Variants in LCORL observed in about 807,000 individuals in gnomAD.
The protein encoded by LCORL is ligand-dependent nuclear receptor corepressor-like protein.
LCORL carries 41 observed loss-of-function variants against 141.8 expected under a neutral mutation model. The ratio of observed to expected loss-of-function variants is 0.29; its 90% confidence interval spans 0.23 to 0.38. The LOEUF is 0.38. LCORL is among the 10% of genes least tolerant of loss of function. The pLI is 1.00. For synonymous variants in LCORL, 618 were observed against 694.1 expected (o/e 0.89, Z 1.72); for missense variants, 1,759 against 2,035.0 (o/e 0.86, Z 2.61).
chr4:17,886,773 A>G (rs573659894), intron 5 of LCORL, among the ~76,000 whole-genome samples: 1 of 152,096 alleles, frequency 6.6e-6, no homozygotes, highest in South Asian at 2.1e-4. Context: ...ACGATAATGC[A>G]ACTTTAGAAA....
intron 7 of LCORL, among the ~76,000 whole-genome samples, chr4:17,867,696 A>C (rs1323971847): frequency 6.6e-6 from 1 of 152,226 alleles, no homozygotes; most frequent in Non-Finnish European, 1.5e-5. Context: ...CATCAAAAGA[A>C]AAAGTATCCA....
In LCORL at chr4:17,977,479, A is replaced by G. The variant is rs535399046; in HGVS notation, c.155-4594T>C. Reference sequence around the variant, plus strand: ...AATAAAAAACAGTGATTTGTAGAAAACATTCTAATGTCTTCATGTCTCCAC... The same window carrying G: ...AATAAAAAACAGTGATTTGTAGAAAGCATTCTAATGTCTTCATGTCTCCAC... On this transcript the variant is annotated intron_variant, in intron 1 of 7. Coordinates refer to ENST00000635767, the Ensembl canonical transcript of LCORL. Among the ~76,000 whole-genome samples the G allele has an allele frequency of 3.1e-4, 47 of 152,278 alleles. 1 individual carries two copies. In the South Asian group the frequency reaches 8.5e-3, roughly 27 times the overall value.
intron 1 of LCORL, among the ~76,000 whole-genome samples, chr4:18,017,965 T>G (rs145242720): frequency 6.6e-6 from 1 of 152,052 alleles, no homozygotes; most frequent in Non-Finnish European, 1.5e-5. Context: ...TGAAAAAATA[T>G]AGAGAGATCA....
At chr4:17,916,643 CTT>C (rs1057287592) in intron 4 of LCORL, among the ~76,000 whole-genome samples, 7,079 of 112,846 alleles carry the variant, frequency 0.063, 368 homozygotes, top group African/African-American at 0.18. Flanking sequence ...AATTAAATGT[CTT>C]TTTTTTTTTT....
At chr4:17,898,633 T>C (rs969664093) in intron 5 of LCORL, among the ~76,000 whole-genome samples, 5 of 149,102 alleles carry the variant, frequency 3.4e-5, no homozygotes. Context: ...AAATTCACTA[T>C]CAAGAGATCA....
intron 1 of LCORL, among the ~76,000 whole-genome samples, chr4:18,003,623 A>G (rs1722331826): frequency 6.6e-6 from 1 of 152,182 alleles, no homozygotes; most frequent in Non-Finnish European, 1.5e-5. Context: ...AAGTGGAGAG[A>G]GATCAAGTAA....
chr4:17,956,095 C>G (rs916905098), intron 4 of LCORL, among the ~76,000 whole-genome samples: 6 of 152,042 alleles, frequency 3.9e-5, no homozygotes, highest in African/African-American at 1.4e-4. Context: ...AAATGCAATT[C>G]AAAACCACAG....
chr4:17,991,829 C>A (rs1720062712), intron 1 of LCORL, among the ~76,000 whole-genome samples: 1 of 152,140 alleles, frequency 6.6e-6, no homozygotes, highest in African/African-American at 2.4e-5. Context: ...TTTTCTAATA[C>A]CCGCTAATAC....
intron 5 of LCORL, among the ~76,000 whole-genome samples, chr4:17,904,078 A>T (rs1731269198): frequency 1.3e-5 from 2 of 152,050 alleles, no homozygotes; most frequent in Admixed American, 1.3e-4. Flanking sequence ...CAATGAGTAT[A>T]TTCTTCATAG....
intron 7 of LCORL, among the ~76,000 whole-genome samples, chr4:17,868,503 A>G (rs1237024336): frequency 6.6e-6 from 1 of 152,176 alleles, no homozygotes; most frequent in Non-Finnish European, 1.5e-5. Context: ...GATGTTTATC[A>G]ATTAGGAAAA....
At chr4:17,870,228 C>T (rs143744244) in intron 7 of LCORL, among the ~76,000 whole-genome samples, 1 of 152,240 alleles carries the variant, frequency 6.6e-6, no homozygotes, top group Non-Finnish European at 1.5e-5. Context: ...GCCTCGACCT[C>T]CCAGGTTCAA....
chr4:17,945,318 T>C (rs935838061), intron 4 of LCORL, among the ~76,000 whole-genome samples: 1 of 151,890 alleles, frequency 6.6e-6, no homozygotes, highest in African/African-American at 2.4e-5. Context: ...ACAAAAAATA[T>C]CAGAATCACT....
intron 4 of LCORL, among the ~76,000 whole-genome samples, chr4:17,928,504 A>G (rs1359334194): frequency 6.6e-6 from 1 of 152,234 alleles, no homozygotes; most frequent in Non-Finnish European, 1.5e-5. Context: ...ATCTCCATAC[A>G]TGTAGAGAAA....
intron 1 of LCORL, among the ~76,000 whole-genome samples, chr4:18,002,120 G>A (rs561190563): frequency 6.6e-5 from 10 of 152,194 alleles, no homozygotes; most frequent in African/African-American, 2.4e-4. Context: ...TTAAGTTATT[G>A]TTATTTCAAC....
rs1270087082 is a variant in LCORL, at chr4:18,011,428, T to TAA, written c.154+10169_154+10170insTT. Among the ~76,000 whole-genome samples the TAA allele has an allele frequency of 3.3e-5, 5 of 150,710 alleles. No individual in the cohort carries two copies. In the East Asian group the frequency reaches 9.7e-4, roughly 29 times the overall value. On this transcript the variant is annotated intron_variant, in intron 1 of 7. Transcript: ENST00000635767. ...TATCTGATCATGCTTATTACCCATT[T>TAA]TAAAAAAAAAAAAAAAACAACTTCA...
intron 5 of LCORL, among the ~76,000 whole-genome samples, chr4:17,901,072 A>T (rs528719374): frequency 1.3e-3 from 193 of 151,642 alleles, no homozygotes; most frequent in Middle Eastern, 0.01. Context: ...TCTTTTTTTT[A>T]AAAAAAATGT....
chr4:17,848,704 G>A (rs1431508077), intron 7 of LCORL, among the ~76,000 whole-genome samples: 1 of 152,242 alleles, frequency 6.6e-6, no homozygotes, highest in African/African-American at 2.4e-5. Context: ...AGTGCACCGT[G>A]TGCGAGCCGA....
chr4:17,905,155 T>C (rs1340262393), intron 5 of LCORL, among the ~76,000 whole-genome samples: 1 of 152,140 alleles, frequency 6.6e-6, no homozygotes, highest in Non-Finnish European at 1.5e-5. Flanking sequence ...TAAGGACCTC[T>C]CATCAAATGT....
intron 4 of LCORL, among the ~76,000 whole-genome samples, chr4:17,920,820 C>A (rs796258010): frequency 2.0e-5 from 3 of 152,186 alleles, no homozygotes; most frequent in African/African-American, 7.2e-5. Context: ...AAAGTTTAAA[C>A]ATGAGATTGC....
Sources: allele counts gnomAD v4.1 joint callset (sites outside exome capture counted in the v4.1 genomes callset), GRCh38; gene constraint gnomAD v4.1.1; transcripts MANE v1.5; gene names NCBI Gene and HGNC (gene_info 2026-07-23, HGNC 2026-07-21).